The following SGCD variants were observed in gnomAD, a reference collection of about 807,000 sequenced individuals.
SGCD encodes delta-sarcoglycan.
SGCD carries 18 observed loss-of-function variants against 36.6 expected under a neutral mutation model. The observed-to-expected ratio is 0.49, with a 90% CI of 0.34 to 0.73. The LOEUF is 0.73. SGCD is among the 30% of genes least tolerant of loss of function. SGCD has a pLI of 0.01. For synonymous variants in SGCD, 133 were observed against 130.6 expected, an observed-to-expected ratio of 1.02 and a Z score of -0.12; for missense variants, 387 against 346.7, an observed-to-expected ratio of 1.12 and a Z score of -0.92.
At chr5:156,072,776 C>T (rs542583361) in intron 1 of SGCD, among the ~76,000 whole-genome samples, 977 of 152,244 alleles carry the variant, frequency 6.4e-3, no homozygotes, top group African/African-American at 8.3e-3. Context: ...ACCAATCAGA[C>T]GTAGATTTGG....
At chr5:156,505,693 A>G (rs149717643) in intron 3 of SGCD, among the ~76,000 whole-genome samples, 5 of 152,220 alleles carry the variant, frequency 3.3e-5, no homozygotes, top group South Asian at 2.1e-4. Flanking sequence ...TTTCATTCAT[A>G]TATTTTGCTT....
intron 4 of SGCD, among the ~76,000 whole-genome samples, chr5:156,552,849 C>A (rs144442323): frequency 6.6e-6 from 1 of 152,142 alleles, no homozygotes; most frequent in African/African-American, 2.4e-5. Flanking sequence ...TTGCTTTAAA[C>A]CCGTCCCAAA....
intron 3 of SGCD, among the ~76,000 whole-genome samples, chr5:156,351,089 C>T (rs543620019): frequency 1.3e-5 from 2 of 152,150 alleles, no homozygotes; most frequent in South Asian, 4.1e-4. Context: ...TATCCAGTGA[C>T]GTTTTATGTT....
At chr5:156,500,276 A>G (rs1033668632) in intron 3 of SGCD, among the ~76,000 whole-genome samples, 2 of 152,226 alleles carry the variant, frequency 1.3e-5, no homozygotes, top group Non-Finnish European at 2.9e-5. Flanking sequence ...CACTCTACAG[A>G]TATTTTCTGA....
chr5:156,357,342 T>C lies in SGCD; in HGVS notation c.192+12665T>C, dbSNP rs549482525. ...GCTAGTGGGTAGCCAGGTCAATATA[T>C]AAACCAAGATATGTCTAACTTCAAA... On this transcript the variant is annotated intron_variant, in intron 3 of 8. Transcript: ENST00000337851. Among the ~76,000 whole-genome samples the C allele has an allele frequency of 2.0e-5, 3 of 152,324 alleles. No individual in the cohort carries two copies. In the East Asian group the frequency reaches 5.8e-4, roughly 29 times the overall value.
At chr5:156,548,258 A>C (rs1391168394) in intron 4 of SGCD, among the ~76,000 whole-genome samples, 1 of 152,178 alleles carries the variant, frequency 6.6e-6, no homozygotes, top group Non-Finnish European at 1.5e-5. Context: ...GCTTTGGAGG[A>C]TAGAAGTCGA....
At chr5:156,472,018 A>T (rs892673349) in intron 3 of SGCD, among the ~76,000 whole-genome samples, 2 of 152,202 alleles carry the variant, frequency 1.3e-5, no homozygotes, top group Non-Finnish European at 2.9e-5. Flanking sequence ...TGTCCTCAAC[A>T]TCATTACTCA....
intron 3 of SGCD, among the ~76,000 whole-genome samples, chr5:156,172,936 C>T (rs1581146017): frequency 6.6e-6 from 1 of 151,958 alleles, no homozygotes; most frequent in East Asian, 1.9e-4. Flanking sequence ...AGTATTTACA[C>T]ATCAGAGTTT....
chr5:156,176,993 AATTTTTT>A (rs1205730915), intron 3 of SGCD, among the ~76,000 whole-genome samples: 2 of 152,042 alleles, frequency 1.3e-5, no homozygotes, highest in Non-Finnish European at 2.9e-5. Context: ...AAATTAAGGT[AATTTTTT>A]ATTTTTTATT....
At chr5:156,218,016 G>A (rs1217830212) in intron 3 of SGCD, among the ~76,000 whole-genome samples, 1 of 152,122 alleles carries the variant, frequency 6.6e-6, no homozygotes, top group East Asian at 1.9e-4. Context: ...AGCCATACCT[G>A]TAATACCAGC....
At chr5:156,308,520 G>A (rs147107772) in intron 3 of SGCD, among the ~76,000 whole-genome samples, 13,149 of 152,104 alleles carry the variant, frequency 0.086, 592 homozygotes, top group South Asian at 0.19. Flanking sequence ...GGATGGTCTC[G>A]ATCTCCTGAC....
chr5:156,150,105 G>A (rs982189115), intron 3 of SGCD, among the ~76,000 whole-genome samples: 6 of 152,120 alleles, frequency 3.9e-5, no homozygotes, highest in Admixed American at 3.3e-4. Flanking sequence ...TTAGGGTAAA[G>A]GCCAGAGGCT....
chr5:156,020,757 C>G (rs1048738176), intron 1 of SGCD, among the ~76,000 whole-genome samples: 1 of 152,192 alleles, frequency 6.6e-6, no homozygotes, highest in Non-Finnish European at 1.5e-5. Context: ...TGGTCAGGCT[C>G]TATGCTAACT....
At chr5:156,004,630 G>A (rs1758723315) in intron 1 of SGCD, among the ~76,000 whole-genome samples, 1 of 152,162 alleles carries the variant, frequency 6.6e-6, no homozygotes, top group African/African-American at 2.4e-5. Flanking sequence ...ACTGTGTTTT[G>A]AGTAGGAAAG....
chr5:156,143,207 T>A (rs1163176494), intron 3 of SGCD, among the ~76,000 whole-genome samples: 1 of 152,208 alleles, frequency 6.6e-6, no homozygotes, highest in Non-Finnish European at 1.5e-5. Flanking sequence ...CTTGGTGGTT[T>A]CCACATGTTG....
At chr5:156,535,182 C>G (rs1158303620) in intron 4 of SGCD, among the ~76,000 whole-genome samples, 1 of 152,158 alleles carries the variant, frequency 6.6e-6, no homozygotes, top group South Asian at 2.1e-4. Context: ...GAATATCACA[C>G]ACCAATGTTA....
chr5:155,776,479 A>G, the SGCD span, among the ~76,000 whole-genome samples: 11 of 152,310 alleles, frequency 7.2e-5, no homozygotes, highest in African/African-American at 2.6e-4. Flanking sequence ...CTGGATAAAT[A>G]TGGTTATTTT....
Position 156,649,304 on chromosome 5 carries a change from G to A in SGCD, c.575+1768G>A, listed in dbSNP as rs543842878. Among the ~76,000 whole-genome samples, 5 of 152,216 alleles carry A rather than the reference G, an allele frequency of 3.3e-5. No homozygotes were observed. In the East Asian group the frequency reaches 5.8e-4, roughly 18 times the overall value. On this transcript the variant is annotated intron_variant, in intron 7 of 8. Transcript: ENST00000337851. ...CAACCATTGTGGAAGTCAGTGTGGC[G>A]ATTCCTCAGGGATCTAGAACTGGAA...
At chr5:156,176,543 G>A (rs1763478602) in intron 3 of SGCD, among the ~76,000 whole-genome samples, 1 of 151,968 alleles carries the variant, frequency 6.6e-6, no homozygotes, top group Admixed American at 6.6e-5. Context: ...AGGTGTTTGT[G>A]ATTTTTTTTT....
Sources: allele counts gnomAD v4.1 joint callset (sites outside exome capture counted in the v4.1 genomes callset), GRCh38; gene constraint gnomAD v4.1.1; transcripts MANE v1.5; gene names NCBI Gene and HGNC (gene_info 2026-07-23, HGNC 2026-07-21).